FRMPD4: variants seen among roughly 807,000 people sequenced by gnomAD.
The protein encoded by FRMPD4 is FERM and PDZ domain-containing protein 4.
A neutral mutation model predicts 94.1 loss-of-function variants in FRMPD4; 22 were observed. The observed-to-expected ratio is 0.23, with a 90% CI of 0.17 to 0.33. The LOEUF is 0.33. Among genes scored for constraint, FRMPD4 ranks in the 10% least tolerant of loss-of-function variants. FRMPD4 has a pLI of 1.00. For synonymous variants in FRMPD4, 631 were observed against 548.6 expected (o/e 1.15, Z -2.10); for missense variants, 1,111 against 1,339.9 (o/e 0.83, Z 2.67).
intron 1 of FRMPD4, among the ~76,000 whole-genome samples, chrX:12,215,144 G>T (rs994497792): frequency 9.0e-6 from 1 of 111,702 alleles, no homozygotes; most frequent in Non-Finnish European, 1.9e-5. Flanking sequence ...TAGTGAGTCG[G>T]TGTGAGACTT....
At chrX:12,454,748 C>T (rs141117004) in intron 1 of FRMPD4, among the ~76,000 whole-genome samples, 4 of 108,002 alleles carry the variant, frequency 3.7e-5, no homozygotes, top group Non-Finnish European at 7.7e-5. Flanking sequence ...TGGGAAACCT[C>T]GTTTTTTCAG....
chrX:12,056,506 G>T (rs946062108), intron 3 of FRMPD4, among the ~76,000 whole-genome samples: 2 of 111,396 alleles, frequency 1.8e-5, no homozygotes, highest in African/African-American at 6.5e-5. Flanking sequence ...TGGAAAAGAG[G>T]TTCTGGTTTC....
intron 1 of FRMPD4, among the ~76,000 whole-genome samples, chrX:12,453,455 T>TA (rs2057296756): frequency 8.9e-6 from 1 of 112,175 alleles, no homozygotes; most frequent in Non-Finnish European, 1.9e-5. Flanking sequence ...TATGTCTTCT[T>TA]AAAACCAGCA....
intron 1 of FRMPD4, among the ~76,000 whole-genome samples, chrX:12,224,739 T>C (rs1157283951): frequency 9.0e-6 from 1 of 111,723 alleles, no homozygotes; most frequent in Non-Finnish European, 1.9e-5. Flanking sequence ...TAGGCTCTGA[T>C]TTTGTGCTCT....
At chrX:11,915,284 G>A (rs2054018832) in intron 3 of FRMPD4, among the ~76,000 whole-genome samples, 1 of 112,461 alleles carries the variant, frequency 8.9e-6, no homozygotes, top group Non-Finnish European at 1.9e-5. Context: ...TTGGGGGGAA[G>A]CATTTTCAAT....
intron 2 of FRMPD4, among the ~76,000 whole-genome samples, chrX:12,594,448 T>C (rs111346535): frequency 1.1e-4 from 12 of 110,910 alleles, no homozygotes; most frequent in African/African-American, 3.6e-4. Flanking sequence ...TATTTATTTA[T>C]TTTTTGAGAT....
chrX:12,641,141 C>T (rs1311661290), intron 4 of FRMPD4, among the ~76,000 whole-genome samples: 1 of 111,315 alleles, frequency 9.0e-6, no homozygotes, highest in Non-Finnish European at 1.9e-5. Context: ...AATGAAGATC[C>T]ATATGTAAGT....
intron 4 of FRMPD4, among the ~76,000 whole-genome samples, chrX:12,661,992 T>C (rs761801148): frequency 9.0e-6 from 1 of 111,243 alleles, no homozygotes; most frequent in Admixed American, 9.6e-5. Flanking sequence ...ATCTCCAGGT[T>C]TAGGTGGGAA....
At chrX:12,014,551 G>A (rs1179697140) in intron 3 of FRMPD4, among the ~76,000 whole-genome samples, 1 of 111,804 alleles carries the variant, frequency 8.9e-6, no homozygotes, top group Non-Finnish European at 1.9e-5. Flanking sequence ...CCGTTTTACA[G>A]AGAGTTAAGC....
intron 1 of FRMPD4, among the ~76,000 whole-genome samples, chrX:12,296,977 G>A (rs897094558): frequency 3.6e-5 from 4 of 112,530 alleles, no homozygotes; most frequent in Non-Finnish European, 3.8e-5. Flanking sequence ...CATGTTGGCT[G>A]TGTGCTTCGA....
At chrX:11,843,316 T>C (rs1240553594) in intron 1 of FRMPD4, among the ~76,000 whole-genome samples, 1 of 110,939 alleles carries the variant, frequency 9.0e-6, no homozygotes, top group Non-Finnish European at 1.9e-5. Context: ...TTGTGAAGGT[T>C]TAATGCTATT....
intron 4 of FRMPD4, among the ~76,000 whole-genome samples, chrX:12,625,409 T>C (rs1172155240): frequency 8.9e-6 from 1 of 111,790 alleles, no homozygotes; most frequent in Non-Finnish European, 1.9e-5. Context: ...AATGGATGAA[T>C]GGATAAAGAA....
intron 1 of FRMPD4, among the ~76,000 whole-genome samples, chrX:12,491,782 G>T (rs1218627601): frequency 8.9e-6 from 1 of 111,868 alleles, no homozygotes; most frequent in East Asian, 2.8e-4. Context: ...GAGTAATACT[G>T]ATAGAAAGGT....
At chrX:12,465,685 T>A (rs150336051) in intron 1 of FRMPD4, among the ~76,000 whole-genome samples, 1 of 112,094 alleles carries the variant, frequency 8.9e-6, no homozygotes, top group East Asian at 2.8e-4. Flanking sequence ...AAGCATTTGC[T>A]TGGGAGAGTT....
intron 3 of FRMPD4, among the ~76,000 whole-genome samples, chrX:12,126,943 CT>C (rs2055505523): frequency 9.0e-6 from 1 of 111,247 alleles, no homozygotes; most frequent in South Asian, 3.8e-4. Flanking sequence ...GCTCAATTTC[CT>C]TTTGTAACTG....
At chrX:11,873,854 C>A (rs2053768106) in intron 2 of FRMPD4, among the ~76,000 whole-genome samples, 2 of 110,760 alleles carry the variant, frequency 1.8e-5, no homozygotes, top group Admixed American at 9.6e-5. Flanking sequence ...CTACAGTTAC[C>A]AAAACTTATC....
At chrX:12,701,852 C>CT in intron 9 of FRMPD4, 22 bp from the exon 10 acceptor site, 1 of 1,206,396 alleles carries the variant, frequency 8.3e-7, no homozygotes, top group Non-Finnish European at 1.1e-6. Context: ...ACAAGCTGTG[C>CT]CCCCTGCTGG....
intron 1 of FRMPD4, among the ~76,000 whole-genome samples, chrX:12,367,359 G>C (rs113346181): frequency 6.7e-4 from 75 of 112,281 alleles, no homozygotes; most frequent in African/African-American, 2.3e-3. Flanking sequence ...CTGCAGCATT[G>C]CCTACCCCAG....
intron 3 of FRMPD4, among the ~76,000 whole-genome samples, chrX:12,008,394 C>T (rs1425697312): frequency 9.0e-6 from 1 of 111,532 alleles, no homozygotes; most frequent in Non-Finnish European, 1.9e-5. Context: ...TGAGGGAAGC[C>T]CAGTCTGAGT....
Sources: gnomAD v4.1 joint callset for allele counts (sites outside exome capture counted in the v4.1 genomes callset) on GRCh38, gnomAD v4.1.1 for gene constraint, MANE v1.5 for transcripts, NCBI Gene and HGNC (gene_info 2026-07-23, HGNC 2026-07-21) for gene names.